Variants in IFT88 observed in about 807,000 individuals in gnomAD.
IFT88 encodes the protein intraflagellar transport 88.
In IFT88, 74 loss-of-function variants were observed where a neutral mutation model predicts 119.5. The observed-to-expected ratio is 0.62, with a 90% confidence interval of 0.51 to 0.75. The LOEUF (loss-of-function observed/expected upper bound fraction) is 0.75, where lower values mean the gene tolerates loss of function less well. Ranked by LOEUF, IFT88 falls within the 30% of genes least tolerant of loss-of-function variation. The pLI, the probability that IFT88 is intolerant of heterozygous loss-of-function variation, is 0.00. For synonymous variants in IFT88, 279 were observed against 316.7 expected (o/e 0.88, Z 1.26); for missense variants, 961 against 977.7 (o/e 0.98, Z 0.23).
chr13:20,684,520 C>T (rs1269308321), intron 24 of IFT88, among the ~76,000 whole-genome samples: 2 of 152,238 alleles, frequency 1.3e-5, no homozygotes, highest in East Asian at 3.8e-4. Flanking sequence ...CCACAATCCA[C>T]ACTGACCAGA....
rs141994987 is a variant in IFT88 at position 20,621,589 on chromosome 13, C to CT, written c.1200-4152dup. ...TTTAAAAAAGTAAAAAATCCAAAGACTTTTTTTTTAGAACAGTTTTAGTTT... is the reference window on the plus strand; with the variant it reads ...TTTAAAAAAGTAAAAAATCCAAAGACTTTTTTTTTTAGAACAGTTTTAGTTT... On this transcript the variant is annotated intron_variant, in intron 14 of 25. Transcript: ENST00000351808. 1.4e-3 allele frequency among the ~76,000 whole-genome samples: 188 copies of CT among 138,562 alleles called. 2 individuals are homozygous for CT. The highest frequency in any genetic ancestry group is 4.8e-3 in the African/African-American group (174 of 36,206). The allele number at this position is 138,562 out of a possible 152,430, so 90.9% of individuals were successfully genotyped here.
intron 14 of IFT88, among the ~76,000 whole-genome samples, chr13:20,623,291 T>C (rs2046810849): frequency 6.6e-6 from 1 of 152,178 alleles, no homozygotes; most frequent in Non-Finnish European, 1.5e-5. Context: ...TTTTGGCTAT[T>C]TGGAGTCCCT....
intron 23 of IFT88, among the ~76,000 whole-genome samples, chr13:20,665,484 A>G (rs1372867893): frequency 2.0e-5 from 3 of 152,250 alleles, no homozygotes; most frequent in South Asian, 4.1e-4. Flanking sequence ...AAAAAATTCT[A>G]TATGTGTAAT....
chr13:20,622,530 G>A lies in IFT88; in HGVS notation c.1200-3220G>A, dbSNP rs149168142. On this transcript the variant is annotated intron_variant, in intron 14 of 25. Coordinates refer to ENST00000351808, the MANE Select transcript of IFT88 (RefSeq NM_006531.5). Reference sequence around the variant, plus strand: ...TTCAATTTTGGCCTTTCTAATAAGCGTATGGTGGCGTCCCATTGTTGTTTT... The same window carrying A: ...TTCAATTTTGGCCTTTCTAATAAGCATATGGTGGCGTCCCATTGTTGTTTT... Among the ~76,000 whole-genome samples the A allele has an allele frequency of 1.7e-3, 261 of 152,286 alleles. 1 individual carries two copies. Among genetic ancestry groups the A allele is most frequent in the African/African-American group, 5.5e-3 (228 of 41,570 alleles).
At chr13:20,569,572 CA>C (rs201940660) in intron 1 of IFT88, among the ~76,000 whole-genome samples, 28 of 91,742 alleles carry the variant, frequency 3.1e-4, no homozygotes, top group African/African-American at 3.7e-4. Context: ...GACTCCGTCC[CA>C]AAAAAAAAAA....
chr13:20,631,474 A>C (rs1313915542), intron 16 of IFT88: 1 of 178,374 alleles, frequency 5.6e-6, no homozygotes. Context: ...TCTAACAAGC[A>C]TTTATTGAGC....
chr13:20,588,885 G>A (rs2040192065), intron 3 of IFT88, among the ~76,000 whole-genome samples: 1 of 152,188 alleles, frequency 6.6e-6, no homozygotes, highest in African/African-American at 2.4e-5. Context: ...GTCTTAGGGT[G>A]TAGCCTTTTG....
intron 22 of IFT88, among the ~76,000 whole-genome samples, chr13:20,661,366 T>TA (rs796791047): frequency 8.5e-5 from 13 of 152,260 alleles, no homozygotes; most frequent in African/African-American, 3.1e-4. Flanking sequence ...TTTCAAAAGG[T>TA]AGTCTATTGT....
At chr13:20,665,362 T>A (rs1192446660) in intron 23 of IFT88, among the ~76,000 whole-genome samples, 1 of 152,152 alleles carries the variant, frequency 6.6e-6, no homozygotes, top group East Asian at 1.9e-4. Flanking sequence ...AATAAATGTA[T>A]AGTCAAGTTG....
chr13:20,604,998 T>C, intron 12 of IFT88, 37 bp from the exon 13 acceptor site: 1 of 1,038,630 alleles, frequency 9.6e-7, no homozygotes, highest in Non-Finnish European at 1.5e-6. Context: ...TGTTTACTTC[T>C]GAATTATTCT....
At chr13:20,662,497 C>CA (rs1157394242) in intron 22 of IFT88, among the ~76,000 whole-genome samples, 1 of 151,910 alleles carries the variant, frequency 6.6e-6, no homozygotes, top group African/African-American at 2.4e-5. Flanking sequence ...AGAGACACAA[C>CA]AAAAAAAGAG....
At position 20,601,871 on chromosome 13, in the gene IFT88, G is replaced by A. The variant is rs943321085; in HGVS notation, c.979G>A (p.Ala327Thr). The change falls in exon 12 of 26, where the codon GCA (alanine) becomes ACA (threonine). Residue 327 changes from alanine to threonine, a missense_variant. Transcript: ENST00000351808. ...AIGDREKMKKAFQKLITVPLE... is the reference protein window; with the variant it reads ...AIGDREKMKKTFQKLITVPLE... ...TGGAGACCGAGAAAAAATGAAGAAG[G>A]CATTCCAAAAATTGATTACTGTTCC... The A allele has an allele frequency of 3.7e-6, 6 of 1,611,896 alleles. No homozygotes were observed. Among genetic ancestry groups the A allele is most frequent in the African/African-American group, 2.7e-5 (2 of 74,826 alleles).
intron 13 of IFT88, chr13:20,607,620 G>T (rs566263841): frequency 1.7e-5 from 14 of 802,170 alleles, no homozygotes; most frequent in Admixed American, 1.6e-4. Flanking sequence ...GGGCTGCCAC[G>T]CTGTTTTTTT....
chr13:20,575,065 G>GT (rs59057674), intron 2 of IFT88, among the ~76,000 whole-genome samples: 26 of 143,176 alleles, frequency 1.8e-4, no homozygotes, highest in African/African-American at 3.3e-4. Context: ...CTTTCTTTTT[G>GT]TTTTTTTTTT....
At chr13:20,686,886 A>G (rs2057971328) in intron 24 of IFT88, among the ~76,000 whole-genome samples, 1 of 152,076 alleles carries the variant, frequency 6.6e-6, no homozygotes, top group African/African-American at 2.4e-5. Flanking sequence ...TACTTAATTT[A>G]TTCTGTGAAT....
At chr13:20,580,724 C>CTTTTTTTTT (rs1162699940) in intron 2 of IFT88, among the ~76,000 whole-genome samples, 21 of 122,718 alleles carry the variant, frequency 1.7e-4, no homozygotes, top group South Asian at 2.6e-4. Flanking sequence ...TTTCTTTTTT[C>CTTTTTTTTT]TTTTTTTTTT....
rs144370036 is a variant in IFT88 at position 20,615,888 on chromosome 13, GAA to G, written c.1199+11_1199+12del. 0.036 allele frequency: 56,420 copies of G among 1,556,420 alleles called. 1,137 individuals are homozygous for G. The highest frequency in any genetic ancestry group is 0.041 in the Non-Finnish European group (46,722 of 1,133,516). ...GCTGCAGGTTATGATTGGTAAGAGA[GAA>G]AGTCTATAATACTGCATAGATGTGG... On this transcript the variant is annotated intron_variant, in intron 14 of 25. Coordinates refer to ENST00000351808, the MANE Select transcript of IFT88 (RefSeq NM_006531.5).
At chr13:20,606,163 T>TA (rs1482333948) in intron 13 of IFT88, among the ~76,000 whole-genome samples, 3 of 152,250 alleles carry the variant, frequency 2.0e-5, no homozygotes, top group Non-Finnish European at 4.4e-5. Flanking sequence ...CTTTAACCCC[T>TA]AAAGCCTGTT....
chr13:20,582,092 G>T (rs902090047), intron 2 of IFT88, among the ~76,000 whole-genome samples: 2 of 152,008 alleles, frequency 1.3e-5, no homozygotes, highest in African/African-American at 4.8e-5. Context: ...TCAGAGGCAA[G>T]GATGAGAACT....
Sources: gnomAD v4.1 joint callset for allele counts (sites outside exome capture counted in the v4.1 genomes callset) on GRCh38, gnomAD v4.1.1 for gene constraint, MANE v1.5 for transcripts, NCBI Gene and HGNC (gene_info 2026-07-23, HGNC 2026-07-21) for gene names.